DTWD2: variants seen among roughly 807,000 people sequenced by gnomAD.
DTWD2 encodes DTW motif tRNA-uridine aminocarboxypropyltransferase 2, also known as tRNA-uridine aminocarboxypropyltransferase 2.
DTWD2 carries 39 observed loss-of-function variants against 31.8 expected under a neutral mutation model. The observed-to-expected ratio is 1.22, with a 90% CI of 0.95 to 1.60. The LOEUF (loss-of-function observed/expected upper bound fraction) is 1.60. DTWD2 is among the 40% of genes most tolerant of loss of function. DTWD2 has a pLI of 0.00. For missense variants in DTWD2, 515 were observed against 381.5 expected, an observed-to-expected ratio of 1.35 and a Z score of -2.92; for synonymous variants, 180 against 142.8, an observed-to-expected ratio of 1.26 and a Z score of -1.86.
chr5:118,877,333 G>A (rs540355686), intron 4 of DTWD2, among the ~76,000 whole-genome samples: 113 of 152,136 alleles, frequency 7.4e-4, no homozygotes, highest in African/African-American at 2.5e-3. Flanking sequence ...TTAGCCAGGC[G>A]TGGTGGCGGG....
chr5:118,964,316 T>G (rs1754777239), intron 1 of DTWD2, among the ~76,000 whole-genome samples: 1 of 152,142 alleles, frequency 6.6e-6, no homozygotes, highest in Non-Finnish European at 1.5e-5. Context: ...CAAATTATAC[T>G]TCATATAAGG....
At chr5:118,967,918 A>C (rs796500025) in intron 1 of DTWD2, among the ~76,000 whole-genome samples, 2 of 152,366 alleles carry the variant, frequency 1.3e-5, no homozygotes, top group African/African-American at 4.8e-5. Flanking sequence ...ATATTTATTA[A>C]CTACAAAGGG....
Position 118,836,318 on chromosome 5 carries a change from C to A in DTWD2, c.*4599G>T, listed in dbSNP as rs1751567257. On this transcript the variant is annotated 3_prime_UTR_variant, in exon 6 of 6. Coordinates refer to ENST00000510708, the MANE Select transcript of DTWD2 (RefSeq NM_173666.4). ...TGCAGTGGTACATCTCAGCTCACTG[C>A]AACCTCTGCCTCCCAGGTTCAAGCA... 6.6e-6 allele frequency among the ~76,000 whole-genome samples: 1 copy of A among 152,144 alleles called. No homozygotes were observed. Among genetic ancestry groups the A allele is most frequent in the East Asian group, 1.9e-4 (1 of 5,190 alleles).
In DTWD2 at chr5:118,928,731, TG is replaced by T. The variant is rs754582036; in HGVS notation, c.405-3del. On this transcript the variant is annotated splice_polypyrimidine_tract_variant and splice_region_variant and intron_variant, in intron 3 of 5. Transcript: ENST00000510708. The stretch of plus-strand genomic sequence containing the variant: ...CAAACAGTTGAAAGTTCAGGATCTC[TG>T]AAAAAGTTTTTTAAAAATATATCTT... 3.3e-6 allele frequency: 5 copies of T among 1,528,064 alleles called. No homozygotes were observed. In the African/African-American group the frequency reaches 7.0e-5, roughly 21 times the overall value. 94.7% of individuals were successfully genotyped at this position (1,528,064 alleles called of 1,614,324 possible).
At chr5:118,918,072 TG>T (rs1422902679) in intron 4 of DTWD2, among the ~76,000 whole-genome samples, 1 of 151,898 alleles carries the variant, frequency 6.6e-6, no homozygotes, top group Non-Finnish European at 1.5e-5. Flanking sequence ...CCCCAACACA[TG>T]GGGATTAGAA....
chr5:118,885,970 C>A (rs935538997), intron 4 of DTWD2, among the ~76,000 whole-genome samples: 5 of 151,958 alleles, frequency 3.3e-5, no homozygotes, highest in African/African-American at 1.2e-4. Flanking sequence ...AGACCCCTGT[C>A]TCAAAGAAAC....
chr5:118,862,177 CCTGATGAT>C (rs1363314417), intron 4 of DTWD2, among the ~76,000 whole-genome samples: 15 of 152,156 alleles, frequency 9.9e-5, no homozygotes, highest in African/African-American at 3.1e-4. Context: ...CTAACTAATG[CCTGATGAT>C]CTGATGATCT....
intron 2 of DTWD2, among the ~76,000 whole-genome samples, chr5:118,941,068 C>T (rs1051660243): frequency 2.0e-5 from 3 of 152,134 alleles, no homozygotes; most frequent in African/African-American, 7.2e-5. Flanking sequence ...ATATCATCTA[C>T]TCCACCAAGT....
At chr5:118,862,046 C>A (rs1692808566) in intron 4 of DTWD2, among the ~76,000 whole-genome samples, 1 of 152,198 alleles carries the variant, frequency 6.6e-6, no homozygotes, top group South Asian at 2.1e-4. Context: ...GGTGAGCAGG[C>A]ATTACTGCCT....
At chr5:118,917,275 T>C (rs1018565310) in intron 4 of DTWD2, among the ~76,000 whole-genome samples, 2 of 152,128 alleles carry the variant, frequency 1.3e-5, no homozygotes, top group Non-Finnish European at 2.9e-5. Context: ...GAAGGACATT[T>C]TACAAAAGGA....
At chr5:118,970,917 T>C (rs1754970113) in intron 1 of DTWD2, among the ~76,000 whole-genome samples, 7 of 152,130 alleles carry the variant, frequency 4.6e-5, no homozygotes, top group Admixed American at 2.6e-4. Context: ...AATAAGATCC[T>C]TTTCAGACAA....
chr5:118,916,861 G>A (rs1344603503), intron 4 of DTWD2, among the ~76,000 whole-genome samples: 7 of 151,922 alleles, frequency 4.6e-5, no homozygotes, highest in African/African-American at 1.2e-4. Flanking sequence ...CTCTAGTGTC[G>A]AGAGTCTAAT....
intron 3 of DTWD2, 54 bp downstream of exon 3, chr5:118,939,142 T>C: frequency 1.3e-6 from 2 of 1,512,552 alleles, no homozygotes; most frequent in Non-Finnish European, 1.8e-6. Context: ...AGAAACCATT[T>C]TTTAAGATCT....
At chr5:118,980,083 C>T (rs1178996088) in intron 1 of DTWD2, among the ~76,000 whole-genome samples, 1 of 152,184 alleles carries the variant, frequency 6.6e-6, no homozygotes, top group Non-Finnish European at 1.5e-5. Context: ...CTCCATGGGT[C>T]TCTTACATTT....
intron 4 of DTWD2, among the ~76,000 whole-genome samples, chr5:118,868,285 C>A (rs1035816678): frequency 6.6e-6 from 1 of 151,612 alleles, no homozygotes; most frequent in Admixed American, 6.6e-5. Context: ...ACGGACTAAA[C>A]CATAAGTGCT....
intron 4 of DTWD2, among the ~76,000 whole-genome samples, chr5:118,908,830 G>A (rs965722167): frequency 3.9e-5 from 6 of 152,112 alleles, no homozygotes; most frequent in African/African-American, 9.7e-5. Context: ...CAGAAAGAAC[G>A]TCAGTGAGAA....
intron 4 of DTWD2, among the ~76,000 whole-genome samples, chr5:118,921,771 G>C (rs1370665289): frequency 6.6e-6 from 1 of 152,154 alleles, no homozygotes. Flanking sequence ...ATCTCAATGA[G>C]ACTGTGTTAA....
chr5:118,860,158 T>C (rs1046927931), intron 4 of DTWD2, among the ~76,000 whole-genome samples: 5 of 149,984 alleles, frequency 3.3e-5, no homozygotes, highest in African/African-American at 1.2e-4. Flanking sequence ...TATGTTATAT[T>C]AGTTATACTG....
chr5:118,859,726 G>T (rs1752217346), intron 4 of DTWD2, among the ~76,000 whole-genome samples: 1 of 152,112 alleles, frequency 6.6e-6, no homozygotes, highest in Non-Finnish European at 1.5e-5. Context: ...TGGTTTCAAG[G>T]TCTGTCCCCT....
Sources: allele counts gnomAD v4.1 joint callset (sites outside exome capture counted in the v4.1 genomes callset), GRCh38; gene constraint gnomAD v4.1.1; transcripts MANE v1.5; gene names NCBI Gene and HGNC (gene_info 2026-07-23, HGNC 2026-07-21).